Variants in TLR5 observed in about 807,000 individuals in gnomAD.
TLR5 encodes toll like receptor 5, also known as toll-like receptor 5.
For synonymous variants in TLR5, 373 were observed against 384.4 expected, an observed-to-expected ratio of 0.97 and a Z score of 0.35; for missense variants, 944 against 999.8, an observed-to-expected ratio of 0.94 and a Z score of 0.75.
chr1:223,124,018 C>A (rs542805948), intron 5 of TLR5: 78 of 152,346 alleles, frequency 5.1e-4, no homozygotes, highest in African/African-American at 1.3e-3. Flanking sequence ...ACAGTTAGTT[C>A]TTCTATCAGG....
chr1:223,110,978 C>G lies in TLR5; in HGVS notation c.2054G>C (p.Gly685Ala), dbSNP rs1656293491. The change falls in exon 6 of 6, where the codon GGC becomes GCC. Residue 685 changes from glycine to alanine, a missense_variant. By Grantham distance (60) the Gly-to-Ala change is moderately conservative. Coordinates refer to ENST00000642603, the MANE Select transcript of TLR5 (RefSeq NM_003268.6). ...QRLVFKDHPQ[G>A]TEPDMYKYDA... ...ATATTTGTACATATCAGGTTCTGTGCCCTGGGGATGGTCCTTGAACACCAG... is the reference window on the plus strand; with the variant it reads ...ATATTTGTACATATCAGGTTCTGTGGCCTGGGGATGGTCCTTGAACACCAG... 6.2e-7 allele frequency: 1 copy of G among 1,614,202 alleles called. No homozygotes were observed. Among genetic ancestry groups the G allele is most frequent in the East Asian group, 2.2e-5 (1 of 44,882 alleles).
At chr1:223,142,826 T>A (rs1299435929) in intron 1 of TLR5, among the ~76,000 whole-genome samples, 1 of 152,078 alleles carries the variant, frequency 6.6e-6, no homozygotes, top group South Asian at 2.1e-4. Context: ...GCCACCTGCC[T>A]CTTCCACAGG....
rs1656242810 is a variant in TLR5 at position 223,110,091 on chromosome 1, T to C, written c.*364A>G. 3.4e-6 allele frequency: 1 copy of C among 294,122 alleles called. No individual in the cohort carries two copies. 18.2% of individuals were successfully genotyped at this position (294,122 alleles called of 1,614,324 possible). On this transcript the variant is annotated 3_prime_UTR_variant, in exon 6 of 6. Coordinates refer to ENST00000642603, the MANE Select transcript of TLR5 (RefSeq NM_003268.6). ...CAGAATCATGGACCATCCCATTTTT[T>C]AGCTGAATGCTAGAGAAAGCACGTC... is the stretch of plus-strand genomic sequence containing the variant.
In TLR5 at chr1:223,112,370, T is replaced by A. The variant is rs973335019; in HGVS notation, c.662A>T (p.Asn221Ile). 6.2e-7 allele frequency: 1 copy of A among 1,614,110 alleles called. No homozygotes were observed. ...CTCCAGCACCATGTTTCTGAATGGG[T>A]TCATACATTTTCCCCAGTCCACTGA... ...RVSVDWGKCM[N>I]PFRNMVLEIL... Residue 221 changes from asparagine (N) to isoleucine (I), a missense_variant, in exon 6 of 6, where the codon AAC becomes ATC. Coordinates refer to ENST00000642603, the MANE Select transcript of TLR5 (RefSeq NM_003268.6).
At chr1:223,133,378 A>C (rs1364551170) in intron 4 of TLR5, among the ~76,000 whole-genome samples, 1 of 152,196 alleles carries the variant, frequency 6.6e-6, no homozygotes, top group Non-Finnish European at 1.5e-5. Flanking sequence ...CGAGCTCGGA[A>C]CCTGAAACGG....
rs764216827 is a variant in TLR5 at position 223,112,061 on chromosome 1, A to G, written c.971T>C (p.Ile324Thr). ...LKVLNLAYNK[I>T]NKIADEAFYG... Reference sequence around the variant, plus strand: ...AAATGCTTCATCTGCAATCTTATTTATCTTGTTGTAGGCAAGGTTCAGAAC... The same window carrying G: ...AAATGCTTCATCTGCAATCTTATTTGTCTTGTTGTAGGCAAGGTTCAGAAC... Residue 324 changes from isoleucine to threonine, a missense_variant, in exon 6 of 6, where the codon ATA (isoleucine) becomes ACA (threonine). Ile to Thr is a moderately conservative substitution (Grantham distance 89, BLOSUM62 -1). Coordinates refer to ENST00000642603, the MANE Select transcript of TLR5 (RefSeq NM_003268.6). 1 of 1,614,224 alleles carries G rather than the reference A, an allele frequency of 6.2e-7. No homozygotes were observed. The highest frequency in any genetic ancestry group is 2.2e-5 in the East Asian group (1 of 44,882).
chr1:223,118,238 C>T (rs201888168), intron 5 of TLR5, among the ~76,000 whole-genome samples: 1 of 152,144 alleles, frequency 6.6e-6, no homozygotes, highest in East Asian at 1.9e-4. Context: ...TTCTAATTGG[C>T]AATTGGTTGA....
chr1:223,142,735 G>C (rs5744105), intron 1 of TLR5, among the ~76,000 whole-genome samples: 86,637 of 151,850 alleles, frequency 0.57, 25,396 homozygotes, highest in East Asian at 0.75. Context: ...GAGCAGCTCA[G>C]TGACTTTCTG....
chr1:223,125,465 C>T (rs1657128565), intron 5 of TLR5, among the ~76,000 whole-genome samples: 1 of 152,174 alleles, frequency 6.6e-6, no homozygotes, highest in African/African-American at 2.4e-5. Context: ...TCAGTGTTCT[C>T]ATGTTTCATT....
chr1:223,123,719 G>A (rs902856396), intron 5 of TLR5: 1 of 152,310 alleles, frequency 6.6e-6, no homozygotes, highest in Non-Finnish European at 1.5e-5. Context: ...GTGGGCGGAA[G>A]TAAATCTTGA....
chr1:223,127,838 G>C (rs1050596999), intron 5 of TLR5: 10 of 152,324 alleles, frequency 6.6e-5, no homozygotes, highest in African/African-American at 2.2e-4. Context: ...CTCAACAGGA[G>C]TCCCTGCTGG....
intron 5 of TLR5, chr1:223,128,822 T>C (rs774923135): frequency 3.9e-5 from 6 of 152,110 alleles, no homozygotes; most frequent in Non-Finnish European, 7.4e-5. Context: ...GCCTGTCGAG[T>C]CTTCATTTGC....
intron 5 of TLR5, among the ~76,000 whole-genome samples, chr1:223,117,562 CAAAAAAAAAAAAAAAA>C (rs66839180): frequency 9.5e-6 from 1 of 105,120 alleles, no homozygotes; most frequent in Non-Finnish European, 1.9e-5. Flanking sequence ...ATGGTGTTCA[CAAAAAAAAAAAAAAAA>C]AAAAAGAAAA....
intron 5 of TLR5, 55 bp from the exon 6 acceptor site, chr1:223,113,090 C>T (rs1199095341): frequency 1.3e-6 from 2 of 1,550,712 alleles, no homozygotes; most frequent in Admixed American, 1.7e-5. Context: ...AGGTATTGCA[C>T]TGGGGTCTTC....
chr1:223,117,562 C>CAAAAAAAAAAAAAAAAAAA (rs66839180), intron 5 of TLR5, among the ~76,000 whole-genome samples: 83 of 105,016 alleles, frequency 7.9e-4, no homozygotes, highest in South Asian at 1.3e-3. Context: ...ATGGTGTTCA[C>CAAAAAAAAAAAAAAAAAAA]AAAAAAAAAA....
chr1:223,120,335 A>G (rs1365322318), intron 5 of TLR5, among the ~76,000 whole-genome samples: 1 of 152,166 alleles, frequency 6.6e-6, no homozygotes, highest in Non-Finnish European at 1.5e-5. Flanking sequence ...CCTTTAGATA[A>G]AAACTTGATT....
intron 5 of TLR5, among the ~76,000 whole-genome samples, chr1:223,114,175 G>A (rs894820435): frequency 5.9e-5 from 9 of 152,172 alleles, no homozygotes; most frequent in Non-Finnish European, 1.2e-4. Flanking sequence ...AAGTCCTGTC[G>A]GGGAGCTAAC....
At chr1:223,140,976 A>T (rs1185917059) in intron 2 of TLR5, among the ~76,000 whole-genome samples, 1 of 152,242 alleles carries the variant, frequency 6.6e-6, no homozygotes, top group African/African-American at 2.4e-5. Context: ...AGAGAGCGGA[A>T]GACACTATAC....
At position 223,111,442 on chromosome 1, in the gene TLR5, T is replaced by C; in HGVS notation, c.1590A>G (p.Gly530=). The C allele has an allele frequency of 1.2e-6, 2 of 1,614,154 alleles. No individual in the cohort carries two copies. The highest frequency in any genetic ancestry group is 1.7e-6 in the Non-Finnish European group (2 of 1,180,020). The change falls in exon 6 of 6, where the codon GGA becomes GGG. Residue 530 remains glycine, a synonymous_variant. Coordinates refer to ENST00000642603, the MANE Select transcript of TLR5 (RefSeq NM_003268.6). Reference sequence around the variant, plus strand: ...TCAGCCTGTTGGAGTTGAGGCTTAGTCCCCTTAATGCAGTCAGATGGCTAA... The same window carrying C: ...TCAGCCTGTTGGAGTTGAGGCTTAGCCCCCTTAATGCAGTCAGATGGCTAA... ...GVFSHLTALR[G]LSLNSNRLTV...
Sources: allele counts gnomAD v4.1 joint callset (sites outside exome capture counted in the v4.1 genomes callset), GRCh38; gene constraint gnomAD v4.1.1; transcripts MANE v1.5; gene names NCBI Gene and HGNC (gene_info 2026-07-23, HGNC 2026-07-21).